Variants in SPOP observed in about 807,000 individuals in gnomAD.
The protein encoded by SPOP is speckle-type POZ protein.
In SPOP, 11 loss-of-function variants were observed where a neutral mutation model predicts 45.6. That is an observed-to-expected ratio of 0.24 (90% CI 0.15 to 0.40). The LOEUF is 0.40. SPOP is among the 10% of genes least tolerant of loss of function. The probability of loss-of-function intolerance (pLI) is 1.00; values close to 1 mark genes in which losing one functional copy is unlikely to be tolerated. For missense variants in SPOP, 152 were observed against 465.6 expected, an observed-to-expected ratio of 0.33 and a Z score of 6.20; for synonymous variants, 166 against 166.3, an observed-to-expected ratio of 1.00 and a Z score of 0.01.
chr17:49,650,264 C>T (rs1201273092), intron 1 of SPOP, among the ~76,000 whole-genome samples: 1 of 151,890 alleles, frequency 6.6e-6, no homozygotes, highest in Non-Finnish European at 1.5e-5. Flanking sequence ...ATTTGTTTTC[C>T]AGGATGAGAA....
chr17:49,665,477 T>A (rs2073042020), intron 1 of SPOP, among the ~76,000 whole-genome samples: 2 of 151,376 alleles, frequency 1.3e-5, no homozygotes, highest in Admixed American at 6.6e-5. Flanking sequence ...TAGCCAGGCG[T>A]GGTGGCAGGC....
chr17:49,669,865 A>G (rs1464543189), intron 1 of SPOP, among the ~76,000 whole-genome samples: 1 of 152,128 alleles, frequency 6.6e-6, no homozygotes, highest in Non-Finnish European at 1.5e-5. Flanking sequence ...CTGTTTCCAA[A>G]TATCAAGTAA....
At chr17:49,608,344 G>A (rs567910654) in intron 6 of SPOP, among the ~76,000 whole-genome samples, 2 of 152,298 alleles carry the variant, frequency 1.3e-5, no homozygotes, top group South Asian at 4.1e-4. Flanking sequence ...GGACTGCACA[G>A]GAAGAAGGTC....
chr17:49,604,588 C>T (rs2071801161), intron 8 of SPOP, among the ~76,000 whole-genome samples: 1 of 152,216 alleles, frequency 6.6e-6, no homozygotes, highest in Non-Finnish European at 1.5e-5. Flanking sequence ...TGCAGCATCA[C>T]AGCAGGAAAA....
chr17:49,607,514 G>A lies in SPOP; in HGVS notation c.715-142C>T, dbSNP rs2071875687. 5.4e-6 allele frequency: 6 copies of A among 1,119,382 alleles called. No homozygotes were observed. The South Asian group carries it at 5.4e-5, about 10-fold the overall frequency. The allele number at this position is 1,119,382 out of a possible 1,614,324, so 69.3% of individuals were successfully genotyped here. A position where few individuals can be genotyped will look rare whatever the true frequency, so the allele number is the denominator to read the frequency against. ...ACATTAATGGAAAATTTCTTTGCCC[G>A]GCTTGATTATAATAGCCTTTTCGTC... On this transcript the variant is annotated intron_variant, in intron 7 of 9. Coordinates refer to ENST00000504102, the MANE Select transcript of SPOP (RefSeq NM_001007228.2).
chr17:49,607,395 G>A (rs778445412), intron 7 of SPOP, 23 bp from the exon 8 acceptor site: 1 of 1,608,684 alleles, frequency 6.2e-7, no homozygotes, highest in Non-Finnish European at 8.5e-7. Flanking sequence ...AACTGAATAT[G>A]AGAAACATTC....
intron 8 of SPOP, among the ~76,000 whole-genome samples, chr17:49,605,515 C>A (rs554910976): frequency 6.6e-6 from 1 of 151,304 alleles, no homozygotes; most frequent in African/African-American, 2.4e-5. Context: ...CATGGTGAAA[C>A]CCTGTCTCTA....
chr17:49,615,490 C>CTATTTATT (rs532797342), intron 5 of SPOP, among the ~76,000 whole-genome samples: 2 of 151,816 alleles, frequency 1.3e-5, no homozygotes, highest in Admixed American at 1.3e-4. Context: ...CTTCATGTCT[C>CTATTTATT]TATTTATTTA....
At chr17:49,633,778 G>C (rs2072494152) in intron 1 of SPOP, among the ~76,000 whole-genome samples, 1 of 152,116 alleles carries the variant, frequency 6.6e-6, no homozygotes, top group South Asian at 2.1e-4. Context: ...ACCTTAAAAA[G>C]ACTTCTTGAA....
At chr17:49,606,848 T>C (rs965307849) in intron 8 of SPOP, among the ~76,000 whole-genome samples, 1 of 152,272 alleles carries the variant, frequency 6.6e-6, no homozygotes, top group South Asian at 2.1e-4. Flanking sequence ...TGAGTCCACA[T>C]GGATACAAAG....
intron 1 of SPOP, among the ~76,000 whole-genome samples, chr17:49,634,506 T>C (rs1433221703): frequency 1.3e-5 from 2 of 152,242 alleles, no homozygotes; most frequent in Non-Finnish European, 2.9e-5. Flanking sequence ...TGAGAGGTTA[T>C]GGTCTTTGAC....
In SPOP at chr17:49,619,114, G is replaced by T. The variant is rs2143265172; in HGVS notation, c.353-6C>A. ...CCTATATGCCCGTTGACTCTCTGGG[G>T]TGGGGAAAAAAAAAGTCATATTTAA... is the stretch of plus-strand genomic sequence containing the variant. On this transcript the variant is annotated splice_polypyrimidine_tract_variant and splice_region_variant and intron_variant, in intron 4 of 9. Transcript: ENST00000504102. This position sits in a 1 kb window ranked among gnomAD's most constrained non-coding sequence, Gnocchi z 4.9. 1 of 1,613,044 alleles carries T rather than the reference G, an allele frequency of 6.2e-7. No homozygotes were observed. The highest frequency in any genetic ancestry group is 1.1e-5 in the South Asian group (1 of 91,036).
intron 1 of SPOP, among the ~76,000 whole-genome samples, chr17:49,671,501 T>G (rs1183983659): frequency 6.6e-6 from 1 of 151,740 alleles, no homozygotes; most frequent in Non-Finnish European, 1.5e-5. Flanking sequence ...AGCTCAAGCT[T>G]AAAGGGCTCC....
chr17:49,632,586 G>C (rs148925982), intron 1 of SPOP, among the ~76,000 whole-genome samples: 8 of 151,640 alleles, frequency 5.3e-5, no homozygotes, highest in Non-Finnish European at 1.2e-4. Context: ...TCCACCTCCC[G>C]GGTTCAAGCA....
chr17:49,662,471 C>G (rs2143537521), intron 1 of SPOP, among the ~76,000 whole-genome samples: 1 of 152,226 alleles, frequency 6.6e-6, no homozygotes, highest in Middle Eastern at 3.4e-3. Flanking sequence ...CACCTGAGGT[C>G]AGGAGTTTGA....
intron 1 of SPOP, among the ~76,000 whole-genome samples, chr17:49,623,158 C>T (rs144176265): frequency 0.012 from 1,804 of 152,098 alleles, 12 homozygotes; most frequent in Middle Eastern, 0.027. Flanking sequence ...ACAGGCATGC[C>T]CCACCACACC....
chr17:49,614,879 G>T lies in SPOP; in HGVS notation c.481-3422C>A, dbSNP rs149369219. On this transcript the variant is annotated intron_variant, in intron 5 of 9. Transcript: ENST00000504102. ...TTAGTTTAAAAAATTTAGAGACAGG[G>T]TCTCCCTCTGTTGCCCAGGCTGGAG... Among the ~76,000 whole-genome samples the T allele has an allele frequency of 5.4e-3, 810 of 151,322 alleles. 5 individuals are homozygous for T. Among genetic ancestry groups the T allele is most frequent in the African/African-American group, 0.019 (762 of 41,100 alleles).
intron 1 of SPOP, among the ~76,000 whole-genome samples, chr17:49,635,760 G>A (rs1341697269): frequency 6.7e-6 from 1 of 148,760 alleles, no homozygotes; most frequent in Non-Finnish European, 1.5e-5. Context: ...TCAGCCTCCC[G>A]AGTAGCTGGG....
chr17:49,621,322 G>T (rs749374635), intron 3 of SPOP, among the ~76,000 whole-genome samples: 1 of 152,202 alleles, frequency 6.6e-6, no homozygotes, highest in Non-Finnish European at 1.5e-5. Flanking sequence ...CACAAGAGAA[G>T]CCAGACCTGA....
Sources: gnomAD v4.1 joint callset for allele counts (sites outside exome capture counted in the v4.1 genomes callset) on GRCh38, gnomAD v4.1.1 for gene constraint, Gnocchi (gnomAD v3.1) non-coding constraint, MANE v1.5 for transcripts, NCBI Gene and HGNC (gene_info 2026-07-23, HGNC 2026-07-21) for gene names.